The following ATG7 variants were observed in gnomAD, a reference collection of about 807,000 sequenced individuals.
The protein encoded by ATG7 is ubiquitin-like modifier-activating enzyme ATG7.
In ATG7, 70 loss-of-function variants were observed where a neutral mutation model predicts 82.4. The ratio of observed to expected loss-of-function variants is 0.85; its 90% CI spans 0.70 to 1.04. ATG7 has a LOEUF of 1.04. ATG7 is among the 50% of genes least tolerant of loss of function. The probability of loss-of-function intolerance (pLI) is 0.00; values close to 1 mark genes in which losing one functional copy is unlikely to be tolerated. For missense variants in ATG7, 792 were observed against 864.3 expected (o/e 0.92, Z 1.05); for synonymous variants, 287 against 313.0 (o/e 0.92, Z 0.88).
At chr3:11,364,926 C>T (rs920291475) in intron 18 of ATG7, among the ~76,000 whole-genome samples, 192 bp downstream of exon 18, 8 of 152,186 alleles carry the variant, frequency 5.3e-5, no homozygotes, top group African/African-American at 1.4e-4. Context: ...GAGGAAATCA[C>T]GAACGAGAAG....
At chr3:11,344,570 T>C (rs1037596958) in intron 13 of ATG7, among the ~76,000 whole-genome samples, 2 of 152,206 alleles carry the variant, frequency 1.3e-5, no homozygotes, top group Admixed American at 1.3e-4. Flanking sequence ...GTTTTGTTTT[T>C]AAATGTTACA....
chr3:11,455,027 C>T (rs1409623805), intron 20 of ATG7, among the ~76,000 whole-genome samples: 1 of 152,156 alleles, frequency 6.6e-6, no homozygotes, highest in Admixed American at 6.5e-5. Flanking sequence ...AAAAGTTCAG[C>T]TTTATTTCTC....
chr3:11,562,329 A>G (rs2073096313), downstream of ATG7, among the ~76,000 whole-genome samples: 1 of 152,118 alleles, frequency 6.6e-6, no homozygotes, highest in Admixed American at 6.5e-5. Flanking sequence ...TAGCCTCCCC[A>G]TACATGCCCC....
intron 5 of ATG7, among the ~76,000 whole-genome samples, chr3:11,302,405 C>A (rs1946923877): frequency 6.6e-6 from 1 of 152,126 alleles, no homozygotes; most frequent in Admixed American, 6.5e-5. Flanking sequence ...TTTATTATTA[C>A]CCCATTTTTG....
the ATG7 span, among the ~76,000 whole-genome samples, chr3:11,564,109 G>A: frequency 1.3e-5 from 2 of 152,188 alleles, no homozygotes; most frequent in East Asian, 3.8e-4. Flanking sequence ...CTGGAGATTC[G>A]GAGAGCTCAA....
chr3:11,573,826 A>G, the ATG7 span, among the ~76,000 whole-genome samples: 1 of 152,160 alleles, frequency 6.6e-6, no homozygotes, highest in Admixed American at 6.5e-5. Context: ...AGGTTCTCTG[A>G]ATGTGAGCTT....
At chr3:11,469,711 C>G (rs2087231320) in intron 20 of ATG7, among the ~76,000 whole-genome samples, 1 of 150,998 alleles carries the variant, frequency 6.6e-6, no homozygotes, top group Admixed American at 6.6e-5. Context: ...TGGGGCCAAG[C>G]ATGGTGGCTC....
chr3:11,298,930 T>C, intron 4 of ATG7, 75 bp downstream of exon 4: 1 of 1,508,914 alleles, frequency 6.6e-7, no homozygotes, highest in Non-Finnish European at 9.1e-7. Flanking sequence ...TCAGCTTTCC[T>C]TTAGAAAGAG....
chr3:11,302,601 T>G (rs1040379325), intron 5 of ATG7, among the ~76,000 whole-genome samples: 3 of 152,240 alleles, frequency 2.0e-5, no homozygotes, highest in African/African-American at 4.8e-5. Flanking sequence ...TGCATTATAG[T>G]GTGCTCAGTG....
chr3:11,462,259 G>A (rs887359885), intron 20 of ATG7, among the ~76,000 whole-genome samples: 2 of 151,920 alleles, frequency 1.3e-5, no homozygotes, highest in African/African-American at 4.8e-5. Context: ...CATTGCTAAG[G>A]GCTGTTTTAT....
At chr3:11,531,107 G>A (rs1343161098) in intron 20 of ATG7, among the ~76,000 whole-genome samples, 1 of 152,230 alleles carries the variant, frequency 6.6e-6, no homozygotes, top group Non-Finnish European at 1.5e-5. Context: ...GGTTGGCAGG[G>A]AAGGGCTGAG....
intron 19 of ATG7, among the ~76,000 whole-genome samples, chr3:11,407,523 T>A (rs1263809466): frequency 6.6e-6 from 1 of 152,150 alleles, no homozygotes; most frequent in Non-Finnish European, 1.5e-5. Flanking sequence ...GTGTGGGGGC[T>A]CTCACCCCAC....
intron 3 of ATG7, 100 bp from the exon 4 acceptor site, chr3:11,298,585 AC>A: frequency 8.5e-7 from 1 of 1,179,552 alleles, no homozygotes; most frequent in Non-Finnish European, 1.2e-6. Flanking sequence ...ACATCTCATT[AC>A]TTTTTGTTTG....
chr3:11,552,997 C>T (rs553428287), intron 20 of ATG7, among the ~76,000 whole-genome samples: 89 of 152,380 alleles, frequency 5.8e-4, no homozygotes, highest in Non-Finnish European at 1.1e-3. Flanking sequence ...CCCAACCACC[C>T]ATTTGCAGAG....
intron 9 of ATG7, among the ~76,000 whole-genome samples, chr3:11,326,184 A>G (rs1451072385): frequency 3.3e-5 from 5 of 152,296 alleles, no homozygotes; most frequent in Non-Finnish European, 5.9e-5. Context: ...TTTTCACTAC[A>G]TCAGGCCATT....
At chr3:11,411,312 C>A (rs1213779558) in intron 19 of ATG7, among the ~76,000 whole-genome samples, 1 of 152,058 alleles carries the variant, frequency 6.6e-6, no homozygotes, top group Non-Finnish European at 1.5e-5. Context: ...TTTAGAATTA[C>A]CTGTATGTTC....
chr3:11,443,875 A>G (rs1212383973), intron 20 of ATG7, among the ~76,000 whole-genome samples: 1 of 152,166 alleles, frequency 6.6e-6, no homozygotes, highest in African/African-American at 2.4e-5. Context: ...TATATAGAGA[A>G]CAAGTATGAA....
chr3:11,480,094 A>G (rs1415041401), intron 20 of ATG7, among the ~76,000 whole-genome samples: 1 of 149,432 alleles, frequency 6.7e-6, no homozygotes, highest in Non-Finnish European at 1.5e-5. Flanking sequence ...TGCTCAGCTA[A>G]TTTTTTTTTT....
the ATG7 span, among the ~76,000 whole-genome samples, chr3:11,574,281 G>C: frequency 2.6e-5 from 4 of 152,148 alleles, no homozygotes; most frequent in Non-Finnish European, 5.9e-5. Context: ...CTTTATCTAT[G>C]ATCAACCTAA....
Sources: gnomAD v4.1 joint callset for allele counts (sites outside exome capture counted in the v4.1 genomes callset) on GRCh38, gnomAD v4.1.1 for gene constraint, MANE v1.5 for transcripts, NCBI Gene and HGNC (gene_info 2026-07-23, HGNC 2026-07-21) for gene names.